Variants in RRN3 observed in about 807,000 individuals in gnomAD.
The protein encoded by RRN3 is RNA polymerase I transcription factor RRN3, also known as RNA polymerase I-specific transcription initiation factor RRN3.
A neutral mutation model predicts 82.3 loss-of-function variants in RRN3; 38 were observed. The ratio of observed to expected loss-of-function variants is 0.46; its 90% CI spans 0.36 to 0.61. RRN3 has a LOEUF of 0.61. Ranked by LOEUF, RRN3 falls within the 20% of genes least tolerant of loss-of-function variation. The pLI is 0.00. For synonymous variants in RRN3, 284 were observed against 284.3 expected (o/e 1.00, Z 0.01); for missense variants, 726 against 793.1 (o/e 0.92, Z 1.02).
chr16:15,063,698 C>G (rs2044820432), intron 16 of RRN3, among the ~76,000 whole-genome samples: 1 of 97,866 alleles, frequency 1.0e-5, no homozygotes. Context: ...GAGCAAGACT[C>G]TGTCTCAAAA....
Position 15,061,901 on chromosome 16 carries a change from A to C in RRN3, c.1799T>G (p.Ile600Arg), listed in dbSNP as rs972343664. The C allele has an allele frequency of 1.2e-6, 2 of 1,610,938 alleles. No individual in the cohort carries two copies. Among genetic ancestry groups the C allele is most frequent in the Non-Finnish European group, 1.7e-6 (2 of 1,177,198 alleles). The change falls in exon 18 of 18, where the codon ATA (isoleucine) becomes AGA (arginine). Residue 600 changes from isoleucine to arginine, a missense_variant. Around this residue, in one of 4 missense-constraint regions of RRN3, gnomAD observed 166 missense variants for 154.8 expected, o/e 1.07. Transcript: ENST00000198767. Reference protein sequence around the residue: ...QEFKKPMKKDIVEDEDDDFLK... With the variant: ...QEFKKPMKKDRVEDEDDDFLK... ...AAAGTCATCATCTTCATCTTCCACT[A>C]TGTCCTGCAGAAACATCAGAAATCA...
chr16:15,086,703 A>C (rs2045928005), intron 3 of RRN3, among the ~76,000 whole-genome samples: 1 of 152,224 alleles, frequency 6.6e-6, no homozygotes, highest in African/African-American at 2.4e-5. Context: ...CAGCCTGATC[A>C]CTTCTGTTTG....
At chr16:15,068,054 C>G in intron 15 of RRN3, 115 bp downstream of exon 15, 1 of 1,134,830 alleles carries the variant, frequency 8.8e-7, no homozygotes, top group Non-Finnish European at 1.3e-6. Context: ...AGCCACCACG[C>G]CTGGCCTTTT....
intron 16 of RRN3, among the ~76,000 whole-genome samples, chr16:15,064,145 A>T (rs1342428771): frequency 1.3e-5 from 2 of 152,006 alleles, no homozygotes; most frequent in Non-Finnish European, 2.9e-5. Flanking sequence ...TTTCTAGAAC[A>T]ACTCATCTAG....
intron 3 of RRN3, among the ~76,000 whole-genome samples, chr16:15,090,799 G>A (rs2046098596): frequency 6.6e-6 from 1 of 151,786 alleles, no homozygotes; most frequent in Admixed American, 6.6e-5. Context: ...AGGAAGAATG[G>A]TGAAACAAAA....
At chr16:15,089,181 C>T (rs1190950591) in intron 3 of RRN3, among the ~76,000 whole-genome samples, 1 of 151,974 alleles carries the variant, frequency 6.6e-6, no homozygotes, top group African/African-American at 2.4e-5. Flanking sequence ...GGCACAGCTA[C>T]TCGGGAGGCT....
At chr16:15,090,873 GT>G (rs4012873) in intron 3 of RRN3, among the ~76,000 whole-genome samples, 59,496 of 128,008 alleles carry the variant, frequency 0.46, 11,445 homozygotes, top group Middle Eastern at 0.59. Context: ...TCAGTGGTTT[GT>G]TTTTTTTTTT....
chr16:15,091,771 C>T (rs2046138877), intron 2 of RRN3, among the ~76,000 whole-genome samples: 1 of 152,174 alleles, frequency 6.6e-6, no homozygotes, highest in African/African-American at 2.4e-5. Context: ...AACATTTTCC[C>T]TCTACTGCTG....
intron 6 of RRN3, 60 bp downstream of exon 6, chr16:15,085,579 A>G: frequency 6.3e-7 from 1 of 1,590,008 alleles, no homozygotes. Flanking sequence ...TGGCTTCCCA[A>G]AGTGCTGGGA....
At chr16:15,088,859 G>A (rs2046007996) in intron 3 of RRN3, among the ~76,000 whole-genome samples, 1 of 152,086 alleles carries the variant, frequency 6.6e-6, no homozygotes, top group African/African-American at 2.4e-5. Flanking sequence ...AGATCTGGAA[G>A]TGTGGGAAAT....
At chr16:15,085,499 G>A (rs1003989569) in intron 6 of RRN3, 140 bp downstream of exon 6, 2 of 997,920 alleles carry the variant, frequency 2.0e-6, no homozygotes, top group Non-Finnish European at 2.9e-6. Context: ...ATGTTTTTTT[G>A]CAGAGACAAG....
chr16:15,081,374 G>C (rs1305598034), intron 8 of RRN3, among the ~76,000 whole-genome samples: 1 of 152,108 alleles, frequency 6.6e-6, no homozygotes, highest in Non-Finnish European at 1.5e-5. Flanking sequence ...CCATATCCTT[G>C]TGAACACTTG....
chr16:15,075,408 C>T (rs1348434581), intron 10 of RRN3, among the ~76,000 whole-genome samples: 1 of 151,522 alleles, frequency 6.6e-6, no homozygotes, highest in African/African-American at 2.4e-5. Context: ...CCTGTCTCTA[C>T]AAAAATAGAA....
chr16:15,068,300 A>G, intron 14 of RRN3, 23 bp from the exon 15 acceptor site: 3 of 1,564,884 alleles, frequency 1.9e-6, no homozygotes, highest in South Asian at 1.2e-5. Flanking sequence ...AAAAAAAAAG[A>G]TTTTTTTAAA....
At chr16:15,089,644 C>CA (rs2046043224) in intron 3 of RRN3, among the ~76,000 whole-genome samples, 2 of 150,890 alleles carry the variant, frequency 1.3e-5, no homozygotes, top group African/African-American at 2.4e-5. Context: ...ACTAAAAATA[C>CA]AAAAAATTAG....
Position 15,060,469 on chromosome 16 carries a change from A to T in RRN3, c.*1275T>A, listed in dbSNP as rs1459062091. On this transcript the variant is annotated 3_prime_UTR_variant, in exon 18 of 18. Coordinates refer to ENST00000198767, the MANE Select transcript of RRN3 (RefSeq NM_018427.5). ...AGCCCTGGAAAAGAGGAAGTATTTC[A>T]TTACAAAATATTTATGATCAAGAAA... 1 of 153,640 alleles carries T rather than the reference A, an allele frequency of 6.5e-6. No individual in the cohort carries two copies. Among genetic ancestry groups the T allele is most frequent in the East Asian group, 1.9e-4 (1 of 5,248 alleles). 9.5% of individuals were successfully genotyped at this position (153,640 alleles called of 1,614,324 possible).
intron 15 of RRN3, among the ~76,000 whole-genome samples, chr16:15,067,944 G>A (rs896845943): frequency 1.4e-4 from 21 of 151,726 alleles, no homozygotes; most frequent in African/African-American, 4.6e-4. Context: ...TTTTTTTGTA[G>A]AGATAGGGTC....
chr16:15,094,153 C>A lies in RRN3; in HGVS notation c.81G>T (p.Ser27=). The A allele has an allele frequency of 1.3e-6, 2 of 1,598,672 alleles. No individual in the cohort carries two copies. The highest frequency in any genetic ancestry group is 1.7e-4 in the Middle Eastern group (1 of 6,036). ...SSSAVKKLGA[S]RTGISNMRAL... Reference sequence around the variant, plus strand: ...AGCGGCCTGAATCTTACCCAGTCCTCGACGCGCCCAGCTTCTTAACTGCAG... The same window carrying A: ...AGCGGCCTGAATCTTACCCAGTCCTAGACGCGCCCAGCTTCTTAACTGCAG... The change falls in exon 1 of 18, where the codon TCG becomes TCT. Residue 27 remains serine (S), a synonymous_variant. Transcript: ENST00000198767.
chr16:15,063,791 G>C (rs1266404650), intron 16 of RRN3, among the ~76,000 whole-genome samples: 1 of 150,862 alleles, frequency 6.6e-6, no homozygotes, highest in Non-Finnish European at 1.5e-5. Context: ...TTCTGTATAA[G>C]AGTTCATTCA....
Sources: allele counts gnomAD v4.1 joint callset (sites outside exome capture counted in the v4.1 genomes callset), GRCh38; gene constraint gnomAD v4.1.1; regional missense constraint gnomAD v4.1.1; transcripts MANE v1.5; gene names NCBI Gene and HGNC (gene_info 2026-07-23, HGNC 2026-07-21).